The following TRAPPC10 variants were observed in gnomAD, a reference collection of about 807,000 sequenced individuals.
The protein encoded by TRAPPC10 is trafficking protein particle complex subunit 10.
TRAPPC10 carries 23 observed loss-of-function variants against 125.5 expected under a neutral mutation model. The ratio of observed to expected loss-of-function variants is 0.18; its 90% confidence interval spans 0.13 to 0.26. The LOEUF (loss-of-function observed/expected upper bound fraction) is 0.26. Among genes scored for constraint, TRAPPC10 ranks in the 10% least tolerant of loss-of-function variants. The pLI is 1.00. For synonymous variants in TRAPPC10, 509 were observed against 518.0 expected (o/e 0.98, Z 0.24); for missense variants, 1,123 against 1,308.4 (o/e 0.86, Z 2.19).
intron 1 of TRAPPC10, among the ~76,000 whole-genome samples, chr21:44,013,200 G>A (rs1315630731): frequency 2.0e-5 from 3 of 151,954 alleles, no homozygotes; most frequent in Non-Finnish European, 4.4e-5. Context: ...CGGACACCTG[G>A]TGCCTCTTGG....
intron 3 of TRAPPC10, among the ~76,000 whole-genome samples, chr21:44,049,742 C>G (rs1346724242): frequency 6.6e-6 from 1 of 152,202 alleles, no homozygotes; most frequent in Non-Finnish European, 1.5e-5. Flanking sequence ...ACCTTGGGCC[C>G]TGATGCCCTG....
At chr21:44,095,204 C>T (rs963966692) in intron 20 of TRAPPC10, among the ~76,000 whole-genome samples, 1 of 150,824 alleles carries the variant, frequency 6.6e-6, no homozygotes, top group Admixed American at 6.6e-5. Context: ...CGTGTCACCA[C>T]ACCTGGCTAA....
rs748907606 is a variant in TRAPPC10 at position 44,084,185 on chromosome 21, G to A, written c.2302G>A (p.Val768Ile). Residue 768 changes from valine to isoleucine, a missense_variant, in exon 15 of 23, where the codon GTC (valine) becomes ATC (isoleucine). By Grantham distance (29) the Val-to-Ile change is conservative. This residue lies in a region of TRAPPC10 where 840 missense variants were observed against 902.0 expected (regional missense o/e 0.93). Coordinates refer to ENST00000291574, the MANE Select transcript of TRAPPC10 (RefSeq NM_003274.5). ...CGCCTCGGTGGGCTCCGTGTGGTTCGTCCTCCCTCACATCTACCCCATTGT... is the reference window on the plus strand; with the variant it reads ...CGCCTCGGTGGGCTCCGTGTGGTTCATCCTCCCTCACATCTACCCCATTGT... ...LCASVGSVWF[V>I]LPHIYPIVQY... 86 of 1,613,902 alleles carry A rather than the reference G, an allele frequency of 5.3e-5. No homozygotes were observed. Among genetic ancestry groups the A allele is most frequent in the African/African-American group, 9.3e-5 (7 of 74,870 alleles).
At chr21:44,060,911 T>TACACACACACACACAC (rs1230320455) in intron 6 of TRAPPC10, among the ~76,000 whole-genome samples, 8 of 106,470 alleles carry the variant, frequency 7.5e-5, no homozygotes, top group African/African-American at 3.2e-4. Flanking sequence ...TATACATACA[T>TACACACACACACACAC]ACATACACAC....
intron 1 of TRAPPC10, among the ~76,000 whole-genome samples, chr21:44,030,255 G>T (rs1217077978): frequency 6.6e-6 from 1 of 152,080 alleles, no homozygotes; most frequent in African/African-American, 2.4e-5. Context: ...GAGTGTGTGT[G>T]TGTGTGTGTT....
At chr21:44,033,331 C>CT (rs146658308) in intron 2 of TRAPPC10, among the ~76,000 whole-genome samples, 3 of 152,162 alleles carry the variant, frequency 2.0e-5, no homozygotes, top group East Asian at 1.9e-4. Flanking sequence ...TGAATATAGT[C>CT]TAATTTCTGT....
At chr21:44,092,143 AG>A (rs2038628322) in intron 19 of TRAPPC10, 94 bp downstream of exon 19, 1 of 1,494,650 alleles carries the variant, frequency 6.7e-7, no homozygotes, top group Non-Finnish European at 9.1e-7. Context: ...GCCTTTAGAT[AG>A]AACAGCTGCA....
At chr21:44,050,247 T>G (rs920126153) in intron 3 of TRAPPC10, among the ~76,000 whole-genome samples, 8 of 149,870 alleles carry the variant, frequency 5.3e-5, no homozygotes, top group African/African-American at 1.7e-4. Flanking sequence ...TATGTGGAAC[T>G]TCTCTGTACT....
chr21:44,023,855 T>A (rs1178774855), intron 1 of TRAPPC10, among the ~76,000 whole-genome samples: 1 of 152,234 alleles, frequency 6.6e-6, no homozygotes, highest in Non-Finnish European at 1.5e-5. Context: ...CTCAGCCCAC[T>A]GCAACCTCTG....
intron 13 of TRAPPC10, among the ~76,000 whole-genome samples, chr21:44,081,903 C>G (rs2037774460): frequency 1.3e-5 from 2 of 151,988 alleles, no homozygotes; most frequent in Non-Finnish European, 2.9e-5. Context: ...AACAAAAGAT[C>G]CATGTGGGTG....
In TRAPPC10 at chr21:44,012,413, G is replaced by A; in HGVS notation, c.-81G>A. ...CGGCCGGGCGGGCGGCGCCGCTCAG[G>A]CTCGGGCTCCGGCTGGGCCCGGCGC... On this transcript the variant is annotated 5_prime_UTR_variant, in exon 1 of 23. Coordinates refer to ENST00000291574, the MANE Select transcript of TRAPPC10 (RefSeq NM_003274.5). 1.1e-6 allele frequency: 1 copy of A among 917,652 alleles called. No homozygotes were observed. The highest frequency in any genetic ancestry group is 1.3e-6 in the Non-Finnish European group (1 of 753,188). 56.8% of individuals were successfully genotyped at this position (917,652 alleles called of 1,614,324 possible).
chr21:44,061,022 TCTC>T (rs1250267417), intron 6 of TRAPPC10, among the ~76,000 whole-genome samples: 8 of 151,176 alleles, frequency 5.3e-5, no homozygotes, highest in African/African-American at 7.3e-5. Flanking sequence ...ACTGCAACCT[TCTC>T]CTCCTGATTT....
At chr21:44,015,422 T>G (rs142316100) in intron 1 of TRAPPC10, among the ~76,000 whole-genome samples, 1 of 152,100 alleles carries the variant, frequency 6.6e-6, no homozygotes, top group Non-Finnish European at 1.5e-5. Context: ...CATTTTATTA[T>G]TATTATTTTT....
In TRAPPC10 at chr21:44,074,512, C is replaced by T. The variant is rs768606992; in HGVS notation, c.1185+42C>T. ...GTGTGGAATGCTCACGTTGTCTCTG[C>T]GGCCATGCCTGGGTGGCGGAGGAAG... is the stretch of plus-strand genomic sequence containing the variant. On this transcript the variant is annotated intron_variant, in intron 8 of 22. Transcript: ENST00000291574. The T allele has an allele frequency of 7.4e-6, 12 of 1,611,220 alleles. No individual in the cohort carries two copies. The Middle Eastern group carries it at 4.9e-4, about 66-fold the overall frequency.
chr21:44,065,636 T>G (rs1051730226), intron 7 of TRAPPC10, among the ~76,000 whole-genome samples: 2 of 152,214 alleles, frequency 1.3e-5, no homozygotes, highest in African/African-American at 4.8e-5. Flanking sequence ...TCCTGTTTCG[T>G]CATCTTCTGA....
intron 19 of TRAPPC10, 69 bp downstream of exon 19, chr21:44,092,118 A>G (rs1164878045): frequency 1.9e-6 from 3 of 1,583,802 alleles, no homozygotes; most frequent in African/African-American, 1.3e-5. Flanking sequence ...ATGATGTAGT[A>G]TGTGTTGCGA....
chr21:44,018,803 T>C (rs1365205007), intron 1 of TRAPPC10, among the ~76,000 whole-genome samples: 2 of 152,158 alleles, frequency 1.3e-5, no homozygotes, highest in Non-Finnish European at 2.9e-5. Context: ...TGTGATTGTG[T>C]GGCTCACTCT....
At chr21:44,034,732 T>C (rs2033861443) in intron 2 of TRAPPC10, among the ~76,000 whole-genome samples, 1 of 152,194 alleles carries the variant, frequency 6.6e-6, no homozygotes, top group South Asian at 2.1e-4. Context: ...CCTCTTCAAT[T>C]AGGGTAGACC....
intron 1 of TRAPPC10, among the ~76,000 whole-genome samples, chr21:44,016,399 A>G (rs2031846779): frequency 6.6e-6 from 1 of 152,200 alleles, no homozygotes; most frequent in South Asian, 2.1e-4. Context: ...GACTGTCCTC[A>G]TACCTACAAT....
Sources: gnomAD v4.1 joint callset for allele counts (sites outside exome capture counted in the v4.1 genomes callset) on GRCh38, gnomAD v4.1.1 for gene constraint, gnomAD v4.1.1 regional missense constraint, MANE v1.5 for transcripts, NCBI Gene and HGNC (gene_info 2026-07-23, HGNC 2026-07-21) for gene names.